Variants in MYRIP observed in about 807,000 individuals in gnomAD.
MYRIP encodes the protein rab effector MyRIP.
MYRIP carries 49 observed loss-of-function variants against 98.0 expected under a neutral mutation model. The ratio of observed to expected loss-of-function variants is 0.50; its 90% CI spans 0.40 to 0.63. MYRIP has a LOEUF of 0.63. Ranked by LOEUF, MYRIP falls within the 30% of genes least tolerant of loss-of-function variation. MYRIP has a pLI of 0.00. For missense variants in MYRIP, 1,004 were observed against 1,058.2 expected (o/e 0.95, Z 0.71); for synonymous variants, 404 against 409.5 (o/e 0.99, Z 0.16).
chr3:39,852,736 TCTC>T (rs1942169382), intron 1 of MYRIP, among the ~76,000 whole-genome samples: 1 of 136,344 alleles, frequency 7.3e-6, no homozygotes, highest in Admixed American at 7.0e-5. Flanking sequence ...CCTCTCCTGT[TCTC>T]CTCTTCTCTT....
At position 40,027,584 on chromosome 3, in the gene MYRIP, T is replaced by G. The variant is rs188677914; in HGVS notation, c.111-16466T>G. 1.7e-3 allele frequency among the ~76,000 whole-genome samples: 262 copies of G among 152,274 alleles called. 1 individual carries two copies. Among genetic ancestry groups the G allele is most frequent in the African/African-American group, 6.1e-3 (253 of 41,568 alleles). On this transcript the variant is annotated intron_variant, in intron 2 of 16. Transcript: ENST00000302541. The stretch of plus-strand genomic sequence containing the variant: ...GCCACCAATCTAAAGTAGGTCCTGA[T>G]GTTATCTTCAGTCTGAGTATCCTAC...
At chr3:39,954,633 C>T (rs1355029149) in intron 2 of MYRIP, among the ~76,000 whole-genome samples, 1 of 152,052 alleles carries the variant, frequency 6.6e-6, no homozygotes, top group Non-Finnish European at 1.5e-5. Flanking sequence ...GGAATGCAGC[C>T]CCTTGCCAGC....
chr3:40,132,289 A>G (rs1334112710), intron 3 of MYRIP, among the ~76,000 whole-genome samples: 2 of 152,158 alleles, frequency 1.3e-5, no homozygotes, highest in Non-Finnish European at 1.5e-5. Context: ...AGAGAGGTTT[A>G]CTCTGAAGCA....
chr3:39,900,910 G>T lies in MYRIP; in HGVS notation c.94G>T (p.Glu32Ter). The T allele has an allele frequency of 1.2e-6, 2 of 1,612,052 alleles. No homozygotes were observed. Among genetic ancestry groups the T allele is most frequent in the South Asian group, 2.2e-5 (2 of 91,066 alleles). Reference protein sequence around the residue: ...VQRDFNLRKKEEERLSELKQK... With the variant: ...VQRDFNLRKK ...AAGAGACTTCAATCTTCGCAAAAAAGAAGAAGAACGACTAAGGTGAGATGC... is the reference window on the plus strand; with the variant it reads ...AAGAGACTTCAATCTTCGCAAAAAATAAGAAGAACGACTAAGGTGAGATGC... The change falls in exon 2 of 17, where the codon GAA (glutamate) becomes TAA (stop). Residue 32 changes from glutamate (E) to a stop codon, truncating the protein, a stop_gained. Coordinates refer to ENST00000302541, the MANE Select transcript of MYRIP (RefSeq NM_015460.4). LOFTEE classifies it high-confidence loss of function.
intron 1 of MYRIP, among the ~76,000 whole-genome samples, chr3:39,876,838 A>G (rs956841455): frequency 6.6e-5 from 10 of 151,580 alleles, no homozygotes; most frequent in African/African-American, 2.4e-4. Context: ...GCTCTTCTCG[A>G]GGAGTATCTT....
At chr3:39,902,119 C>T (rs1392194313) in intron 2 of MYRIP, among the ~76,000 whole-genome samples, 1 of 152,174 alleles carries the variant, frequency 6.6e-6, no homozygotes, top group Non-Finnish European at 1.5e-5. Context: ...ATGAAGTTGT[C>T]ATTCACTGAA....
intron 1 of MYRIP, among the ~76,000 whole-genome samples, chr3:39,898,783 T>C (rs1413914766): frequency 1.5e-4 from 23 of 152,200 alleles, no homozygotes; most frequent in Non-Finnish European, 3.4e-4. Flanking sequence ...ATCTGGAACA[T>C]AGTAGATATC....
chr3:40,135,859 G>A (rs960678725), intron 3 of MYRIP, among the ~76,000 whole-genome samples: 1 of 152,174 alleles, frequency 6.6e-6, no homozygotes, highest in South Asian at 2.1e-4. Flanking sequence ...CACCAGGCCT[G>A]CCCCAAAAGA....
At position 40,169,977 on chromosome 3, in the gene MYRIP, G is replaced by A; in HGVS notation, c.757G>A (p.Glu253Lys). Residue 253 changes from glutamate (E) to lysine (K), a missense_variant, in exon 8 of 17, where the codon GAG becomes AAG. Around this residue, in one of 3 missense-constraint regions of MYRIP, gnomAD observed 880 missense variants for 907.7 expected, o/e 0.97. Coordinates refer to ENST00000302541, the MANE Select transcript of MYRIP (RefSeq NM_015460.4). The stretch of plus-strand genomic sequence containing the variant: ...TATACGAAAACAGAAGAGCAAAAGT[G>A]AGCAGCAAGTGGAAGAAGAGCCAGG... Reference protein sequence around the residue: ...KIIRKQKSKSEQQVEEEPGWP... With the variant: ...KIIRKQKSKSKQQVEEEPGWP... The A allele has an allele frequency of 6.2e-7, 1 of 1,614,188 alleles. No individual in the cohort carries two copies. The highest frequency in any genetic ancestry group is 1.3e-5 in the African/African-American group (1 of 75,044).
chr3:39,995,766 A>C (rs968104197), intron 2 of MYRIP, among the ~76,000 whole-genome samples: 8 of 152,214 alleles, frequency 5.3e-5, no homozygotes, highest in Admixed American at 1.3e-4. Flanking sequence ...GAAGGAAAAA[A>C]TGTTAAGGGC....
intron 4 of MYRIP, among the ~76,000 whole-genome samples, chr3:40,162,370 C>G (rs1412153697): frequency 6.6e-6 from 1 of 152,122 alleles, no homozygotes; most frequent in Non-Finnish European, 1.5e-5. Context: ...TGAATAAATT[C>G]CAGATGCAGC....
chr3:39,872,259 TTTTC>T (rs768416882), intron 1 of MYRIP, among the ~76,000 whole-genome samples: 11 of 152,028 alleles, frequency 7.2e-5, no homozygotes, highest in Non-Finnish European at 1.2e-4. Flanking sequence ...TCGGTCTGAT[TTTTC>T]TTTCTTTCTT....
intron 16 of MYRIP, among the ~76,000 whole-genome samples, chr3:40,256,447 A>C (rs1318361778): frequency 6.6e-6 from 1 of 152,178 alleles, no homozygotes; most frequent in African/African-American, 2.4e-5. Context: ...AAAATTCCCG[A>C]CATCAAAAAT....
chr3:39,840,003 T>C (rs1941749199), intron 1 of MYRIP, among the ~76,000 whole-genome samples: 1 of 152,204 alleles, frequency 6.6e-6, no homozygotes, highest in Non-Finnish European at 1.5e-5. Flanking sequence ...GGTCCAGAGC[T>C]GAGTTCAAGT....
chr3:40,130,539 G>A (rs570025603), intron 3 of MYRIP, among the ~76,000 whole-genome samples: 7 of 151,786 alleles, frequency 4.6e-5, no homozygotes, highest in South Asian at 2.1e-4. Context: ...CATCACGCCC[G>A]GCTAATTTTT....
chr3:39,979,780 A>T (rs888634791), intron 2 of MYRIP, among the ~76,000 whole-genome samples: 6 of 152,158 alleles, frequency 3.9e-5, no homozygotes, highest in African/African-American at 2.4e-5. Flanking sequence ...TTAATAGGTG[A>T]TTTTAAAATG....
At chr3:39,926,328 CTTTAG>C (rs1944421144) in intron 2 of MYRIP, among the ~76,000 whole-genome samples, 1 of 151,982 alleles carries the variant, frequency 6.6e-6, no homozygotes, top group Non-Finnish European at 1.5e-5. Flanking sequence ...TACAAAAACT[CTTTAG>C]TTTAATTAGG....
chr3:40,047,191 G>C (rs1004066756), intron 3 of MYRIP, among the ~76,000 whole-genome samples: 1 of 152,216 alleles, frequency 6.6e-6, no homozygotes. Context: ...GGAAAAATAA[G>C]TTGTAAAAAA....
At chr3:39,996,946 C>T (rs1047868652) in intron 2 of MYRIP, among the ~76,000 whole-genome samples, 1 of 152,052 alleles carries the variant, frequency 6.6e-6, no homozygotes, top group African/African-American at 2.4e-5. Context: ...GGGTACGTAA[C>T]AAAATGAAGG....
Sources: gnomAD v4.1 joint callset for allele counts (sites outside exome capture counted in the v4.1 genomes callset) on GRCh38, gnomAD v4.1.1 for gene constraint, gnomAD v4.1.1 regional missense constraint, MANE v1.5 for transcripts, NCBI Gene and HGNC (gene_info 2026-07-23, HGNC 2026-07-21) for gene names.